The following ATRNL1 variants were observed in gnomAD, a reference collection of about 807,000 sequenced individuals.
ATRNL1 encodes the protein attractin like 1.
ATRNL1 carries 95 observed loss-of-function variants against 182.7 expected under a neutral mutation model. The ratio of observed to expected loss-of-function variants is 0.52; its 90% confidence interval spans 0.44 to 0.62. ATRNL1 has a LOEUF of 0.62. Among genes scored for constraint, ATRNL1 ranks in the 20% least tolerant of loss-of-function variants. The pLI is 0.00. For missense variants in ATRNL1, 1,471 were observed against 1,679.5 expected (o/e 0.88, Z 2.17); for synonymous variants, 576 against 568.3 (o/e 1.01, Z -0.19).
At chr10:115,651,158 G>A (rs1859972314) in intron 26 of ATRNL1, among the ~76,000 whole-genome samples, 1 of 152,108 alleles carries the variant, frequency 6.6e-6, no homozygotes, top group African/African-American at 2.4e-5. Flanking sequence ...CCTAGACTCT[G>A]CATGAATTAA....
At chr10:115,256,285 T>C (rs1851132508) in intron 10 of ATRNL1, among the ~76,000 whole-genome samples, 2 of 152,200 alleles carry the variant, frequency 1.3e-5, no homozygotes, top group East Asian at 3.8e-4. Flanking sequence ...TTTTGTTTGG[T>C]AGGCTATTAA....
At chr10:115,336,151 A>T (rs909726387) in intron 19 of ATRNL1, among the ~76,000 whole-genome samples, 22 of 152,238 alleles carry the variant, frequency 1.4e-4, no homozygotes, top group Non-Finnish European at 3.2e-4. Flanking sequence ...CAAAGAAGTT[A>T]TCTAAAATAC....
intron 28 of ATRNL1, among the ~76,000 whole-genome samples, chr10:115,903,814 AG>A (rs1589670261): frequency 8.0e-6 from 1 of 125,784 alleles, no homozygotes; most frequent in Non-Finnish European, 1.9e-5. Context: ...GGGCTGGAGG[AG>A]AAGGAGAAGG....
chr10:115,215,677 G>C lies in ATRNL1; in HGVS notation c.1349-20G>C, dbSNP rs1175207493. On this transcript the variant is annotated intron_variant, in intron 8 of 28. Transcript: ENST00000355044. Reference sequence around the variant, plus strand: ...AAAAATACTACTTGAAATTTATAATGTATTTTATTTCTGTTACAGCATCAA... The same window carrying C: ...AAAAATACTACTTGAAATTTATAATCTATTTTATTTCTGTTACAGCATCAA... 6.5e-7 allele frequency: 1 copy of C among 1,545,088 alleles called. No individual in the cohort carries two copies. Among genetic ancestry groups the C allele is most frequent in the Admixed American group, 2.2e-5 (1 of 46,434 alleles).
At chr10:115,226,915 A>G (rs1849723506) in intron 9 of ATRNL1, among the ~76,000 whole-genome samples, 1 of 152,162 alleles carries the variant, frequency 6.6e-6, no homozygotes, top group Admixed American at 6.6e-5. Flanking sequence ...TTCAACATAT[A>G]CAAAATCAAC....
chr10:115,527,888 T>TTCCC (rs1565132858), intron 25 of ATRNL1, among the ~76,000 whole-genome samples: 2 of 58,450 alleles, frequency 3.4e-5, no homozygotes, highest in Non-Finnish European at 7.9e-5. Flanking sequence ...CCCTCCCTCC[T>TTCCC]TCCCTCCCTT....
At chr10:115,930,699 A>G (rs1179646193) in intron 28 of ATRNL1, among the ~76,000 whole-genome samples, 1 of 152,214 alleles carries the variant, frequency 6.6e-6, no homozygotes, top group African/African-American at 2.4e-5. Context: ...ACTGCAGTAA[A>G]TATACAACTA....
chr10:115,398,936 AC>A (rs1844420751), intron 20 of ATRNL1, among the ~76,000 whole-genome samples: 2 of 150,758 alleles, frequency 1.3e-5, no homozygotes, highest in East Asian at 2.0e-4. Flanking sequence ...TTTTATAGAA[AC>A]CCCTTTCTGC....
intron 27 of ATRNL1, among the ~76,000 whole-genome samples, chr10:115,823,256 T>G (rs1435965227): frequency 2.0e-5 from 3 of 152,118 alleles, no homozygotes; most frequent in Non-Finnish European, 2.9e-5. Flanking sequence ...CTCAATAAAC[T>G]AGGTATTGAT....
chr10:115,919,107 T>C (rs903054631), intron 28 of ATRNL1, among the ~76,000 whole-genome samples: 3 of 152,160 alleles, frequency 2.0e-5, no homozygotes, highest in Admixed American at 6.5e-5. Context: ...ACAGTTCCAG[T>C]TGGGAACCAG....
intron 25 of ATRNL1, among the ~76,000 whole-genome samples, chr10:115,540,123 TATA>T (rs202090702): frequency 2.0e-4 from 30 of 148,416 alleles, no homozygotes; most frequent in East Asian, 7.9e-4. Context: ...GAACTTAAAG[TATA>T]ATAATAATAA....
chr10:115,464,717 A>C (rs1554970455), intron 22 of ATRNL1, among the ~76,000 whole-genome samples: 1 of 151,924 alleles, frequency 6.6e-6, no homozygotes, highest in African/African-American at 2.4e-5. Flanking sequence ...ATCCAGCATA[A>C]GGTACATGTA....
At chr10:115,141,785 T>A (rs1316144598) in intron 5 of ATRNL1, among the ~76,000 whole-genome samples, 1 of 152,124 alleles carries the variant, frequency 6.6e-6, no homozygotes, top group Admixed American at 6.5e-5. Flanking sequence ...TGCGTTTAAT[T>A]CCGTTAAATT....
At chr10:115,748,390 G>A (rs1452737055) in intron 27 of ATRNL1, among the ~76,000 whole-genome samples, 1 of 150,716 alleles carries the variant, frequency 6.6e-6, no homozygotes, top group Admixed American at 6.6e-5. Context: ...AATTGGTAGG[G>A]ATTGTAGTTT....
chr10:115,153,592 T>C (rs567677456), intron 5 of ATRNL1, among the ~76,000 whole-genome samples: 157 of 152,272 alleles, frequency 1.0e-3, no homozygotes, highest in African/African-American at 3.5e-3. Context: ...TCTATTTGAT[T>C]CTTCTCTCTT....
At position 115,229,800 on chromosome 10, in the gene ATRNL1, T is replaced by G. The variant is rs546807946; in HGVS notation, c.1533-11771T>G. Among the ~76,000 whole-genome samples the G allele has an allele frequency of 1.8e-4, 28 of 152,242 alleles. No individual in the cohort carries two copies. The South Asian group carries it at 5.8e-3, about 32-fold the overall frequency. ...TTGCTTTTCACAGTGATTAAAAAAT[T>G]TGTAGTACTTATTTTTTACTAGTTC... On this transcript the variant is annotated intron_variant, in intron 9 of 28. Transcript: ENST00000355044.
At chr10:115,934,928 C>T (rs1331075081) in intron 28 of ATRNL1, among the ~76,000 whole-genome samples, 2 of 152,176 alleles carry the variant, frequency 1.3e-5, no homozygotes, top group Non-Finnish European at 2.9e-5. Context: ...ATATCCCTTC[C>T]CTCCATGCTG....
chr10:115,605,601 G>C lies in ATRNL1; in HGVS notation c.3795+56065G>C, dbSNP rs528235466. On this transcript the variant is annotated intron_variant, in intron 26 of 28. Transcript: ENST00000355044. ...CTTACAGTATTTTCAATTTACAGCAGGTTTATTGGGAAATAACCTCATTGT... is the reference window on the plus strand; with the variant it reads ...CTTACAGTATTTTCAATTTACAGCACGTTTATTGGGAAATAACCTCATTGT... 3.3e-5 allele frequency among the ~76,000 whole-genome samples: 5 copies of C among 151,998 alleles called. No homozygotes were observed. In the East Asian group the frequency reaches 9.6e-4, roughly 29 times the overall value.
rs543957111 is a variant in ATRNL1 at position 115,511,794 on chromosome 10, T to C, written c.3655-7469T>C. Among the ~76,000 whole-genome samples, 286 of 152,062 alleles carry C rather than the reference T, an allele frequency of 1.9e-3. 1 individual carries two copies. The highest frequency in any genetic ancestry group is 3.3e-3 in the Non-Finnish European group (224 of 67,882). On this transcript the variant is annotated intron_variant, in intron 24 of 28. Transcript: ENST00000355044. Reference sequence around the variant, plus strand: ...TTTTAGATTTTGGACATGTTTTCAGTATGAATTTACATTTACATTTGAATT... The same window carrying C: ...TTTTAGATTTTGGACATGTTTTCAGCATGAATTTACATTTACATTTGAATT...
Sources: gnomAD v4.1 joint callset for allele counts (sites outside exome capture counted in the v4.1 genomes callset) on GRCh38, gnomAD v4.1.1 for gene constraint, MANE v1.5 for transcripts, NCBI Gene and HGNC (gene_info 2026-07-23, HGNC 2026-07-21) for gene names.